SGMS1: variants seen among roughly 807,000 people sequenced by gnomAD.
SGMS1 encodes sphingomyelin synthase 1.
A neutral mutation model predicts 46.2 loss-of-function variants in SGMS1; 13 were observed. That is an observed-to-expected ratio of 0.28 (90% CI 0.18 to 0.45). SGMS1 has a LOEUF of 0.45. Among genes scored for constraint, SGMS1 ranks in the 20% least tolerant of loss-of-function variants. The probability of loss-of-function intolerance (pLI) is 1.00; values close to 1 mark genes in which losing one functional copy is unlikely to be tolerated. For synonymous variants in SGMS1, 203 were observed against 187.8 expected (o/e 1.08, Z -0.66); for missense variants, 324 against 519.9 (o/e 0.62, Z 3.66).
intron 2 of SGMS1, among the ~76,000 whole-genome samples, chr10:50,584,987 T>C (rs1838470549): frequency 6.6e-6 from 1 of 152,160 alleles, no homozygotes; most frequent in Admixed American, 6.5e-5. Flanking sequence ...AGCCCCAGTG[T>C]CCACCCATAA....
At position 50,573,271 on chromosome 10, in the gene SGMS1, A is replaced by G. The variant is rs534955673; in HGVS notation, c.-589+16882T>C. On this transcript the variant is annotated intron_variant, in intron 2 of 10. Coordinates refer to ENST00000361781, the MANE Select transcript of SGMS1 (RefSeq NM_147156.4). ...CAAGAAAAGATATAAAAGGTATCCA[A>G]TGTAAAACTATCTGTTTGCATATAA... Among the ~76,000 whole-genome samples, 228 of 152,332 alleles carry G rather than the reference A, an allele frequency of 1.5e-3. 3 individuals are homozygous for G. Among genetic ancestry groups the G allele is most frequent in the Non-Finnish European group, 1.6e-3 (112 of 68,022 alleles).
At chr10:50,564,137 T>C (rs979029733) in intron 2 of SGMS1, among the ~76,000 whole-genome samples, 11 of 152,136 alleles carry the variant, frequency 7.2e-5, no homozygotes, top group African/African-American at 2.7e-4. Context: ...CGAGAGACCA[T>C]GTGTCAGCAC....
At chr10:50,448,061 C>A (rs548626098) in intron 5 of SGMS1, among the ~76,000 whole-genome samples, 4 of 152,238 alleles carry the variant, frequency 2.6e-5, no homozygotes, top group African/African-American at 9.6e-5. Flanking sequence ...TCTCAGGAAT[C>A]CAAACTGTGA....
intron 1 of SGMS1, among the ~76,000 whole-genome samples, chr10:50,605,789 T>C (rs1374549145): frequency 2.0e-5 from 3 of 152,218 alleles, no homozygotes; most frequent in Non-Finnish European, 2.9e-5. Flanking sequence ...ATCTGCAATT[T>C]TGTTACATGC....
At chr10:50,412,281 A>C (rs192748696) in intron 6 of SGMS1, among the ~76,000 whole-genome samples, 426 of 152,286 alleles carry the variant, frequency 2.8e-3, no homozygotes, top group African/African-American at 9.7e-3. Context: ...TCCTAACTTC[A>C]ATTCTCCAAA....
At chr10:50,368,641 C>A (rs1478672921) in intron 6 of SGMS1, among the ~76,000 whole-genome samples, 2 of 152,242 alleles carry the variant, frequency 1.3e-5, no homozygotes, top group Non-Finnish European at 2.9e-5. Flanking sequence ...CAGGCGTGAG[C>A]CACTGCACCC....
chr10:50,363,971 A>G (rs1428745306), intron 6 of SGMS1, among the ~76,000 whole-genome samples: 2 of 152,108 alleles, frequency 1.3e-5, no homozygotes, highest in South Asian at 2.1e-4. Flanking sequence ...TATTACTAAC[A>G]TTTTCAAAGA....
At chr10:50,446,137 TA>T (rs1397187205) in intron 5 of SGMS1, among the ~76,000 whole-genome samples, 1 of 152,042 alleles carries the variant, frequency 6.6e-6, no homozygotes, top group Non-Finnish European at 1.5e-5. Flanking sequence ...GAAACTTCAT[TA>T]GCAATTTTAA....
chr10:50,574,862 C>T (rs1838366482), intron 2 of SGMS1, among the ~76,000 whole-genome samples: 1 of 151,166 alleles, frequency 6.6e-6, no homozygotes, highest in Non-Finnish European at 1.5e-5. Flanking sequence ...GATCTGATCA[C>T]ACCACATCAT....
At chr10:50,462,802 C>G (rs1415088662) in intron 4 of SGMS1, among the ~76,000 whole-genome samples, 1 of 152,082 alleles carries the variant, frequency 6.6e-6, no homozygotes, top group Non-Finnish European at 1.5e-5. Context: ...ATAGGCATCA[C>G]TGATGTCTGG....
chr10:50,506,954 C>A (rs1277550536), intron 3 of SGMS1, among the ~76,000 whole-genome samples: 1 of 152,164 alleles, frequency 6.6e-6, no homozygotes, highest in South Asian at 2.1e-4. Flanking sequence ...CCCCAAAACC[C>A]CTGCAAAGCA....
rs533657593 is a variant in SGMS1 at position 50,568,880 on chromosome 10, AAAGACTTGGAACCAACCC to A, written c.-589+21255_-589+21272del. 5.9e-5 allele frequency among the ~76,000 whole-genome samples: 9 copies of A among 152,182 alleles called. No individual in the cohort carries two copies. In the South Asian group the frequency reaches 1.9e-3, roughly 32 times the overall value. The stretch of plus-strand genomic sequence containing the variant: ...AGTGTGCAGCCCTGTTCACAATAGT[AAAGACTTGGAACCAACCC>A]AAACGCCTGTCAATGACAGGCTGGA... On this transcript the variant is annotated intron_variant, in intron 2 of 10. Coordinates refer to ENST00000361781, the MANE Select transcript of SGMS1 (RefSeq NM_147156.4).
chr10:50,561,993 T>C (rs1838240650), intron 2 of SGMS1, among the ~76,000 whole-genome samples: 1 of 152,098 alleles, frequency 6.6e-6, no homozygotes, highest in South Asian at 2.1e-4. Flanking sequence ...TTCAGAACAT[T>C]TTACAAAACA....
At chr10:50,471,201 C>A (rs1837375859) in intron 3 of SGMS1, among the ~76,000 whole-genome samples, 2 of 152,218 alleles carry the variant, frequency 1.3e-5, no homozygotes, top group Non-Finnish European at 2.9e-5. Context: ...TCTCCTCTCA[C>A]CTTCCCAGAA....
At chr10:50,428,943 T>TA (rs1254297041) in intron 6 of SGMS1, among the ~76,000 whole-genome samples, 6 of 152,350 alleles carry the variant, frequency 3.9e-5, no homozygotes, top group South Asian at 4.1e-4. Flanking sequence ...TCAGAACACT[T>TA]ACGTTAGCCT....
At chr10:50,318,703 A>T (rs1847389599) in intron 8 of SGMS1, among the ~76,000 whole-genome samples, 1 of 152,160 alleles carries the variant, frequency 6.6e-6, no homozygotes, top group Non-Finnish European at 1.5e-5. Context: ...ACCACAACTG[A>T]TCTAAAGGAC....
intron 6 of SGMS1, among the ~76,000 whole-genome samples, chr10:50,363,765 G>C (rs1169447531): frequency 6.6e-6 from 1 of 152,096 alleles, no homozygotes; most frequent in Admixed American, 6.5e-5. Context: ...TAAGGATACT[G>C]ATCATCTTAC....
At chr10:50,438,706 C>T (rs1263622009) in intron 5 of SGMS1, among the ~76,000 whole-genome samples, 1 of 152,204 alleles carries the variant, frequency 6.6e-6, no homozygotes, top group Non-Finnish European at 1.5e-5. Flanking sequence ...CACCACATGT[C>T]CTTCTGAGAG....
chr10:50,385,217 T>C (rs1848665796), intron 6 of SGMS1, among the ~76,000 whole-genome samples: 1 of 152,222 alleles, frequency 6.6e-6, no homozygotes, highest in Non-Finnish European at 1.5e-5. Context: ...TCTGCCCCAT[T>C]ACTGGTAACA....
Sources: gnomAD v4.1 joint callset for allele counts (sites outside exome capture counted in the v4.1 genomes callset) on GRCh38, gnomAD v4.1.1 for gene constraint, MANE v1.5 for transcripts, NCBI Gene and HGNC (gene_info 2026-07-23, HGNC 2026-07-21) for gene names.